The following KAZN variants were observed in gnomAD, a reference collection of about 807,000 sequenced individuals.
KAZN encodes the protein kazrin.
A neutral mutation model predicts 87.4 loss-of-function variants in KAZN; 40 were observed. The observed-to-expected ratio is 0.46, with a 90% CI of 0.36 to 0.60. KAZN has a LOEUF of 0.60. KAZN is among the 20% of genes least tolerant of loss of function. The pLI is 0.00. For synonymous variants in KAZN, 466 were observed against 458.3 expected, an observed-to-expected ratio of 1.02 and a Z score of -0.22; for missense variants, 898 against 1,073.9, an observed-to-expected ratio of 0.84 and a Z score of 2.29.
intron 8 of KAZN, among the ~76,000 whole-genome samples, chr1:15,072,027 C>G (rs1301269305): frequency 2.6e-5 from 4 of 152,134 alleles, no homozygotes; most frequent in Admixed American, 6.5e-5. Context: ...TCCAGAGGAC[C>G]CTTGTAGCCC....
chr1:14,373,343 G>A (rs1001945733), intron 2 of KAZN, among the ~76,000 whole-genome samples: 1 of 152,128 alleles, frequency 6.6e-6, no homozygotes, highest in Non-Finnish European at 1.5e-5. Flanking sequence ...TCCAGTCTAA[G>A]TCCAAAGGCC....
intron 2 of KAZN, among the ~76,000 whole-genome samples, chr1:14,439,297 A>T (rs775697201): frequency 2.0e-5 from 3 of 152,102 alleles, no homozygotes; most frequent in Non-Finnish European, 4.4e-5. Flanking sequence ...TTGGCTCTGC[A>T]TTCAAAATAC....
chr1:14,539,845 T>C (rs953184098), intron 2 of KAZN, among the ~76,000 whole-genome samples: 2 of 152,174 alleles, frequency 1.3e-5, no homozygotes, highest in Non-Finnish European at 2.9e-5. Flanking sequence ...TTAACTTTCA[T>C]AATTTTTAGC....
intron 2 of KAZN, among the ~76,000 whole-genome samples, chr1:14,439,977 C>T (rs915801654): frequency 6.6e-6 from 1 of 152,182 alleles, no homozygotes; most frequent in Admixed American, 6.5e-5. Flanking sequence ...CCCCCATCTA[C>T]TCCCAACCCC....
intron 8 of KAZN, among the ~76,000 whole-genome samples, chr1:15,091,030 C>CT: frequency 6.6e-6 from 1 of 152,184 alleles, no homozygotes; most frequent in African/African-American, 2.4e-5. Context: ...GATTTCTAGG[C>CT]TTTTTTCTAC....
intron 1 of KAZN, among the ~76,000 whole-genome samples, chr1:14,062,336 G>C (rs1171297830): frequency 6.6e-6 from 1 of 152,126 alleles, no homozygotes; most frequent in Non-Finnish European, 1.5e-5. Context: ...TTGGTTAAAG[G>C]CTTAATAAGG....
chr1:15,068,476 C>A (rs2100580700), intron 8 of KAZN, among the ~76,000 whole-genome samples: 1 of 152,262 alleles, frequency 6.6e-6, no homozygotes, highest in East Asian at 1.9e-4. Flanking sequence ...CTTCCTTCTC[C>A]CCCTGAGCTC....
intron 1 of KAZN, among the ~76,000 whole-genome samples, chr1:14,932,142 G>C (rs1472797520): frequency 6.6e-6 from 1 of 152,200 alleles, no homozygotes; most frequent in African/African-American, 2.4e-5. Flanking sequence ...AAGGCGCTGG[G>C]CAGGGTGCTA....
intron 1 of KAZN, among the ~76,000 whole-genome samples, chr1:14,002,141 A>C (rs12754621): frequency 0.072 from 11,020 of 152,306 alleles, 574 homozygotes; most frequent in African/African-American, 0.14. Flanking sequence ...CAAGGAACTT[A>C]AAGAAATTTA....
At chr1:14,888,632 C>A (rs1228953158) in intron 1 of KAZN, among the ~76,000 whole-genome samples, 2 of 152,068 alleles carry the variant, frequency 1.3e-5, no homozygotes, top group African/African-American at 4.8e-5. Flanking sequence ...AAATGACCAC[C>A]CCCTCTGAGC....
rs559424172 is a variant in KAZN at position 14,468,832 on chromosome 1, G to A, written c.250-130151G>A. On this transcript the variant is annotated intron_variant, in intron 2 of 16. Coordinates refer to the KAZN transcript ENST00000636203. ...TCTCTGCGGGTAGGCATCGTCAACCGTTTGCAAGATGGTCTCGCCTTGGTG... is the reference window on the plus strand; with the variant it reads ...TCTCTGCGGGTAGGCATCGTCAACCATTTGCAAGATGGTCTCGCCTTGGTG... Among the ~76,000 whole-genome samples, 6 of 152,282 alleles carry A rather than the reference G, an allele frequency of 3.9e-5. No individual in the cohort carries two copies. The South Asian group carries it at 6.2e-4, about 16-fold the overall frequency.
At chr1:13,965,701 G>T (rs929647710) in intron 1 of KAZN, among the ~76,000 whole-genome samples, 1 of 152,162 alleles carries the variant, frequency 6.6e-6, no homozygotes, top group Non-Finnish European at 1.5e-5. Flanking sequence ...ACTCCGCAGC[G>T]ACTTCTGCTG....
At chr1:14,591,043 G>A (rs372141578) in intron 2 of KAZN, among the ~76,000 whole-genome samples, 34 of 152,256 alleles carry the variant, frequency 2.2e-4, no homozygotes, top group East Asian at 5.8e-4. Flanking sequence ...GGGTGCCTTC[G>A]CTAAAATGGG....
intron 2 of KAZN, among the ~76,000 whole-genome samples, chr1:14,301,877 G>A (rs1234105121): frequency 1.3e-5 from 2 of 152,028 alleles, no homozygotes; most frequent in South Asian, 4.2e-4. Flanking sequence ...TCTACCAAAG[G>A]CAGGACCCCT....
intron 1 of KAZN, among the ~76,000 whole-genome samples, chr1:14,827,297 C>A (rs1008148618): frequency 6.6e-6 from 1 of 152,086 alleles, no homozygotes; most frequent in Non-Finnish European, 1.5e-5. Flanking sequence ...GTACAGGTGG[C>A]ATTTGGTTGC....
intron 1 of KAZN, among the ~76,000 whole-genome samples, chr1:14,897,951 G>A (rs776178560): frequency 6.6e-6 from 1 of 152,192 alleles, no homozygotes; most frequent in Non-Finnish European, 1.5e-5. Context: ...GTTCAGGAAG[G>A]GATGCGCAGC....
chr1:15,040,397 GC>G (rs1213393490), intron 3 of KAZN, among the ~76,000 whole-genome samples: 3 of 152,188 alleles, frequency 2.0e-5, no homozygotes, highest in Admixed American at 6.5e-5. Context: ...AGGACCCCAG[GC>G]CCTGAGCTAC....
chr1:14,427,297 G>T (rs1209389992), intron 2 of KAZN, among the ~76,000 whole-genome samples: 1 of 152,112 alleles, frequency 6.6e-6, no homozygotes, highest in East Asian at 1.9e-4. Context: ...AAGCTCTCTT[G>T]GCTTCAGTTT....
chr1:14,931,631 G>A (rs924245192), intron 1 of KAZN, among the ~76,000 whole-genome samples: 2 of 152,132 alleles, frequency 1.3e-5, no homozygotes, highest in African/African-American at 4.8e-5. Flanking sequence ...CAGGAATCTG[G>A]ATTTGTATCA....
Sources: allele counts gnomAD v4.1 joint callset (sites outside exome capture counted in the v4.1 genomes callset), GRCh38; gene constraint gnomAD v4.1.1; transcripts MANE v1.5; gene names NCBI Gene and HGNC (gene_info 2026-07-23, HGNC 2026-07-21).